Variants in KCNIP4 observed in about 807,000 individuals in gnomAD.
KCNIP4 encodes the protein Kv channel-interacting protein 4.
In KCNIP4, 12 loss-of-function variants were observed where a neutral mutation model predicts 34.0. The observed-to-expected ratio is 0.35, with a 90% CI of 0.23 to 0.57. The LOEUF (loss-of-function observed/expected upper bound fraction) is 0.57. Ranked by LOEUF, KCNIP4 falls within the 20% of genes least tolerant of loss-of-function variation. KCNIP4 has a pLI of 0.83. For missense variants in KCNIP4, 238 were observed against 311.7 expected (o/e 0.76, Z 1.78); for synonymous variants, 124 against 102.2 (o/e 1.21, Z -1.29).
chr4:20,890,001 C>T (rs935053540), intron 1 of KCNIP4, among the ~76,000 whole-genome samples: 7 of 151,968 alleles, frequency 4.6e-5, no homozygotes, highest in African/African-American at 9.7e-5. Context: ...TATACAGTGG[C>T]TACATAGAAA....
intron 1 of KCNIP4, among the ~76,000 whole-genome samples, chr4:21,465,538 C>A (rs928025379): frequency 6.6e-6 from 1 of 152,104 alleles, no homozygotes; most frequent in Admixed American, 6.6e-5. Context: ...CCTACAATAA[C>A]CCCATTACAT....
At chr4:21,464,465 G>A (rs12640912) in intron 1 of KCNIP4, among the ~76,000 whole-genome samples, 11,258 of 151,960 alleles carry the variant, frequency 0.074, 522 homozygotes, top group East Asian at 0.15. Flanking sequence ...TTACTCAAGA[G>A]TGTGTTGCTT....
intron 1 of KCNIP4, among the ~76,000 whole-genome samples, chr4:21,079,346 T>A (rs1036275295): frequency 3.3e-5 from 5 of 152,168 alleles, no homozygotes; most frequent in Non-Finnish European, 7.3e-5. Flanking sequence ...CTGTGGAGAT[T>A]ATATATTTAA....
At chr4:20,953,265 GC>G in intron 1 of KCNIP4, among the ~76,000 whole-genome samples, 1 of 152,164 alleles carries the variant, frequency 6.6e-6, no homozygotes. Flanking sequence ...CCTCAGAGTG[GC>G]TTCGTCACTG....
chr4:21,425,257 T>C (rs1009164174), intron 1 of KCNIP4, among the ~76,000 whole-genome samples: 4 of 152,222 alleles, frequency 2.6e-5, no homozygotes, highest in Admixed American at 2.6e-4. Flanking sequence ...AAAATCAATA[T>C]TATGAGAGAT....
intron 5 of KCNIP4, among the ~76,000 whole-genome samples, chr4:20,735,543 T>G (rs1302227562): frequency 6.7e-6 from 1 of 148,342 alleles, no homozygotes; most frequent in Non-Finnish European, 1.5e-5. Flanking sequence ...TTTTTTTTTT[T>G]TTTTGAGATG....
intron 1 of KCNIP4, among the ~76,000 whole-genome samples, chr4:21,526,167 A>G (rs1419138070): frequency 6.6e-6 from 1 of 152,156 alleles, no homozygotes; most frequent in African/African-American, 2.4e-5. Context: ...CTTGAATTGT[A>G]ATAATCCCTA....
intron 1 of KCNIP4, among the ~76,000 whole-genome samples, chr4:21,559,516 C>T (rs74995141): frequency 0.031 from 4,645 of 152,024 alleles, 173 homozygotes; most frequent in East Asian, 0.18. Context: ...TTAAGGAGTT[C>T]GGAGTATACA....
chr4:20,843,109 T>C (rs1719945552), intron 3 of KCNIP4, among the ~76,000 whole-genome samples: 2 of 152,024 alleles, frequency 1.3e-5, no homozygotes, highest in Admixed American at 1.3e-4. Context: ...GGTTTCGCCA[T>C]GTTGGCCAAG....
chr4:21,226,742 A>C (rs2109012568), intron 1 of KCNIP4, among the ~76,000 whole-genome samples: 1 of 152,346 alleles, frequency 6.6e-6, no homozygotes, highest in East Asian at 1.9e-4. Flanking sequence ...TGAGAAATTT[A>C]CAATGCAATG....
At chr4:21,064,457 G>A (rs1157874456) in intron 1 of KCNIP4, among the ~76,000 whole-genome samples, 1 of 151,616 alleles carries the variant, frequency 6.6e-6, no homozygotes, top group East Asian at 1.9e-4. Context: ...TTAATAGTAT[G>A]TACACTGGAT....
At chr4:20,798,941 C>G (rs1339239380) in intron 3 of KCNIP4, among the ~76,000 whole-genome samples, 2 of 152,186 alleles carry the variant, frequency 1.3e-5, no homozygotes, top group East Asian at 3.9e-4. Context: ...TGCCCCCTGT[C>G]CCCTATCCTA....
At chr4:21,234,351 T>A (rs1408851897) in intron 1 of KCNIP4, among the ~76,000 whole-genome samples, 1 of 101,738 alleles carries the variant, frequency 9.8e-6, no homozygotes, top group Non-Finnish European at 1.9e-5. Context: ...ACATACATTA[T>A]ATATAACATA....
intron 1 of KCNIP4, among the ~76,000 whole-genome samples, chr4:21,355,629 A>G (rs1420610230): frequency 6.6e-6 from 1 of 152,220 alleles, no homozygotes; most frequent in Non-Finnish European, 1.5e-5. Context: ...GAATAGATCA[A>G]TAACAGGCTC....
chr4:21,489,682 C>A (rs1732211995), intron 1 of KCNIP4, among the ~76,000 whole-genome samples: 1 of 152,032 alleles, frequency 6.6e-6, no homozygotes, highest in South Asian at 2.1e-4. Context: ...ACAGTTCCAT[C>A]TTTGGAAATT....
intron 1 of KCNIP4, among the ~76,000 whole-genome samples, chr4:21,387,248 T>C (rs1043515049): frequency 2.0e-5 from 3 of 152,170 alleles, no homozygotes; most frequent in African/African-American, 7.2e-5. Flanking sequence ...TGAGTGTTCA[T>C]GGAAATGTCA....
At chr4:21,906,866 T>C (rs1304261102) in intron 1 of KCNIP4, among the ~76,000 whole-genome samples, 1 of 152,160 alleles carries the variant, frequency 6.6e-6, no homozygotes, top group African/African-American at 2.4e-5. Context: ...TCATTTAGAA[T>C]ATGTTACATT....
At chr4:21,270,932 G>C (rs1200532388) in intron 1 of KCNIP4, among the ~76,000 whole-genome samples, 2 of 146,676 alleles carry the variant, frequency 1.4e-5, no homozygotes, top group South Asian at 2.2e-4. Context: ...GTAGCAGTGA[G>C]CTGAGATCAC....
intron 1 of KCNIP4, among the ~76,000 whole-genome samples, chr4:21,255,389 T>G (rs912992592): frequency 6.6e-6 from 1 of 152,130 alleles, no homozygotes; most frequent in Non-Finnish European, 1.5e-5. Context: ...ATCACCAGTT[T>G]TTTTCTTATC....
Sources: gnomAD v4.1 joint callset for allele counts (sites outside exome capture counted in the v4.1 genomes callset) on GRCh38, gnomAD v4.1.1 for gene constraint, MANE v1.5 for transcripts, NCBI Gene and HGNC (gene_info 2026-07-23, HGNC 2026-07-21) for gene names.